ASCC2: variants seen among roughly 807,000 people sequenced by gnomAD.
ASCC2 encodes the protein ASC-1 complex subunit P100.
In ASCC2, 42 loss-of-function variants were observed where a neutral mutation model predicts 93.5. The observed-to-expected ratio is 0.45, with a 90% CI of 0.35 to 0.58. ASCC2 has a LOEUF of 0.58. Among genes scored for constraint, ASCC2 ranks in the 20% least tolerant of loss-of-function variants. The pLI is 0.00. For missense variants in ASCC2, 859 were observed against 977.6 expected, an observed-to-expected ratio of 0.88 and a Z score of 1.62; for synonymous variants, 364 against 384.2, an observed-to-expected ratio of 0.95 and a Z score of 0.62.
chr22:29,807,873 C>T (rs916146171), intron 9 of ASCC2, among the ~76,000 whole-genome samples: 1 of 151,944 alleles, frequency 6.6e-6, no homozygotes, highest in Non-Finnish European at 1.5e-5. Context: ...TGCACCACTA[C>T]ACTCCAGCCT....
Position 29,825,492 on chromosome 22 carries a change from A to G in ASCC2, c.240+130T>C, listed in dbSNP as rs2148240626. On this transcript the variant is annotated intron_variant, in intron 3 of 19. Transcript: ENST00000307790. This position sits in a 1 kb window ranked among gnomAD's most constrained non-coding sequence, Gnocchi z 4.9. ...ACAAGACAGAGCAATCCGAACCACA[A>G]TTTGCTGTTAAGGATCCAGTGAAAG... 3.7e-6 allele frequency: 5 copies of G among 1,344,054 alleles called. No homozygotes were observed. In the East Asian group the frequency reaches 9.5e-5, roughly 25 times the overall value. 83.3% of individuals were successfully genotyped at this position (1,344,054 alleles called of 1,614,324 possible).
intron 18 of ASCC2, among the ~76,000 whole-genome samples, chr22:29,791,332 G>A (rs2057716355): frequency 6.6e-6 from 1 of 152,008 alleles, no homozygotes; most frequent in Admixed American, 6.6e-5. Context: ...AGCCATGACT[G>A]CACCACTGCA....
intron 11 of ASCC2, 71 bp downstream of exon 11, chr22:29,806,414 G>C (rs917155805): frequency 6.3e-7 from 1 of 1,575,712 alleles, no homozygotes; most frequent in African/African-American, 1.4e-5. Context: ...CTATAGCGGG[G>C]GTCTATCATG....
chr22:29,798,689 A>T (rs2058729481), intron 15 of ASCC2, among the ~76,000 whole-genome samples: 1 of 152,166 alleles, frequency 6.6e-6, no homozygotes, highest in Non-Finnish European at 1.5e-5. Flanking sequence ...TGGGATTAGG[A>T]CATGTGTCCC....
At chr22:29,800,788 C>T (rs1424083111) in intron 15 of ASCC2, among the ~76,000 whole-genome samples, 2 of 152,210 alleles carry the variant, frequency 1.3e-5, no homozygotes, top group African/African-American at 4.8e-5. Context: ...CTAACAGCCT[C>T]CCTGCACAGA....
At chr22:29,822,244 T>C in intron 5 of ASCC2, 91 bp downstream of exon 5, 1 of 1,549,578 alleles carries the variant, frequency 6.5e-7, no homozygotes, top group Non-Finnish European at 8.8e-7. Context: ...CCTGAGTCCC[T>C]GGGCACTGTC....
chr22:29,806,673 G>A, intron 10 of ASCC2, 120 bp from the exon 11 acceptor site: 2 of 1,421,092 alleles, frequency 1.4e-6, no homozygotes. Context: ...CATTTTTCTT[G>A]GTTTCTCATC....
At chr22:29,801,458 G>C (rs1569375106) in intron 14 of ASCC2, among the ~76,000 whole-genome samples, 3 of 127,340 alleles carry the variant, frequency 2.4e-5, no homozygotes. Context: ...CTCAGAGGCT[G>C]AGGAACTTGT....
intron 4 of ASCC2, among the ~76,000 whole-genome samples, chr22:29,824,251 T>TACACACACACAC (rs60849755): frequency 2.7e-5 from 4 of 146,570 alleles, no homozygotes; most frequent in South Asian, 2.2e-4. Flanking sequence ...ATTTTTTAAA[T>TACACACACACAC]ACACACACAC....
chr22:29,832,529 C>T (rs2063280268), intron 1 of ASCC2, 187 bp from the exon 2 acceptor site: 2 of 504,636 alleles, frequency 4.0e-6, no homozygotes, highest in East Asian at 6.4e-5. Flanking sequence ...TTGCATAAAG[C>T]AGTTCTCAAT....
intron 5 of ASCC2, chr22:29,821,769 AG>A (rs1414563941): frequency 3.2e-6 from 1 of 315,256 alleles, no homozygotes; most frequent in Non-Finnish European, 6.2e-6. Context: ...CTAAAGCAGG[AG>A]GATGACTTGA....
intron 5 of ASCC2, chr22:29,821,800 G>C (rs544063781): frequency 5.8e-5 from 19 of 330,140 alleles, no homozygotes; most frequent in African/African-American, 4.2e-4. Flanking sequence ...TTCAAGACCA[G>C]CTGGAACAAC....
At chr22:29,821,582 G>A (rs529224728) in intron 5 of ASCC2, among the ~76,000 whole-genome samples, 15 of 152,368 alleles carry the variant, frequency 9.8e-5, no homozygotes, top group African/African-American at 3.4e-4. Context: ...TTGGCAGAAT[G>A]CCAGGTCCCC....
chr22:29,830,552 C>A (rs1011746745), intron 2 of ASCC2, among the ~76,000 whole-genome samples: 2 of 120,492 alleles, frequency 1.7e-5, no homozygotes, highest in African/African-American at 6.6e-5. Context: ...CCCTCCTGGG[C>A]TGCACGTACC....
intron 2 of ASCC2, among the ~76,000 whole-genome samples, chr22:29,826,542 C>T (rs2062356864): frequency 6.6e-6 from 1 of 152,142 alleles, no homozygotes; most frequent in African/African-American, 2.4e-5. Flanking sequence ...AACTCCTGGG[C>T]TCAAGCCATC....
chr22:29,808,063 G>A (rs527590827), intron 9 of ASCC2, 48 bp downstream of exon 9: 17 of 1,596,120 alleles, frequency 1.1e-5, no homozygotes, highest in African/African-American at 2.7e-5. Flanking sequence ...GGCCCTGCTC[G>A]GGCCTCTCTG....
chr22:29,830,521 G>GA (rs1412400202), intron 2 of ASCC2, among the ~76,000 whole-genome samples: 1 of 152,026 alleles, frequency 6.6e-6, no homozygotes, highest in Non-Finnish European at 1.5e-5. Flanking sequence ...ACCCAGTTCA[G>GA]AAGCCCTTTC....
chr22:29,807,767 G>A (rs1601952186), intron 9 of ASCC2, among the ~76,000 whole-genome samples: 1 of 152,164 alleles, frequency 6.6e-6, no homozygotes, highest in Middle Eastern at 3.4e-3. Context: ...AAATTAGCCA[G>A]GTGTGGTGGC....
chr22:29,821,854 C>A, intron 5 of ASCC2: 1 of 370,458 alleles, frequency 2.7e-6, no homozygotes, highest in Admixed American at 3.8e-5. Flanking sequence ...TTTTAATTCG[C>A]CAGGCATGGT....
Sources: gnomAD v4.1 joint callset for allele counts (sites outside exome capture counted in the v4.1 genomes callset) on GRCh38, gnomAD v4.1.1 for gene constraint, Gnocchi (gnomAD v3.1) non-coding constraint, MANE v1.5 for transcripts, NCBI Gene and HGNC (gene_info 2026-07-23, HGNC 2026-07-21) for gene names.